The following FANCD2 variants were observed in gnomAD, a reference collection of about 807,000 sequenced individuals.
FANCD2 encodes Fanconi anemia group D2 protein.
A neutral mutation model predicts 192.3 loss-of-function variants in FANCD2; 131 were observed. That is an observed-to-expected ratio of 0.68 (90% confidence interval 0.59 to 0.79). The LOEUF is 0.79. FANCD2 is among the 30% of genes least tolerant of loss of function. The pLI, the probability that FANCD2 is intolerant of heterozygous loss-of-function variation, is 0.00. For synonymous variants in FANCD2, 524 were observed against 612.5 expected (o/e 0.86, Z 2.13); for missense variants, 1,508 against 1,701.6 (o/e 0.89, Z 2.00).
chr3:10,054,470 TA>T (rs1371277169), intron 18 of FANCD2, among the ~76,000 whole-genome samples: 1,058 of 28,830 alleles, frequency 0.037, 35 homozygotes, highest in East Asian at 0.12. Flanking sequence ...TATATATATA[TA>T]TATTTTTTTT....
intron 30 of FANCD2, among the ~76,000 whole-genome samples, chr3:10,079,941 A>G (rs1156678740): frequency 3.4e-5 from 5 of 146,150 alleles, no homozygotes; most frequent in African/African-American, 1.0e-4. Flanking sequence ...TTTGAGGCGG[A>G]GTCTTGCTTT....
intron 18 of FANCD2, among the ~76,000 whole-genome samples, chr3:10,054,038 C>A (rs1023858362): frequency 6.6e-6 from 1 of 151,834 alleles, no homozygotes; most frequent in African/African-American, 2.4e-5. Context: ...TGGTGAAACC[C>A]CATCTCTACA....
intron 18 of FANCD2, among the ~76,000 whole-genome samples, chr3:10,055,080 A>C (rs1018040750): frequency 1.3e-5 from 2 of 152,122 alleles, no homozygotes; most frequent in Non-Finnish European, 2.9e-5. Context: ...TAGCTTTTGC[A>C]TTTAGCAGTT....
chr3:10,030,296 C>T (rs1310242396), intron 2 of FANCD2, among the ~76,000 whole-genome samples: 3 of 151,094 alleles, frequency 2.0e-5, no homozygotes, highest in Admixed American at 2.0e-4. Flanking sequence ...GGGGTTTCAC[C>T]GTGTTAGTCA....
Position 10,074,589 on chromosome 3 carries a change from C to T in FANCD2, c.2775C>T (p.Phe925=), listed in dbSNP as rs781266359. The part of the protein sequence containing the change: ...SLLLHNSHAF[F]RELDIEVFSI... ...TACTACATAATTCCCATGCTTTTTT[C>T]CGAGAGCTGGACATTGAGGTCTTCT... Residue 925 remains phenylalanine (F), a synonymous_variant, in exon 29 of 44, where the codon TTC becomes TTT. Transcript: ENST00000675286. 1.9e-6 allele frequency: 3 copies of T among 1,613,700 alleles called. No homozygotes were observed. Among genetic ancestry groups the T allele is most frequent in the Non-Finnish European group, 2.5e-6 (3 of 1,179,802 alleles).
intron 18 of FANCD2, among the ~76,000 whole-genome samples, chr3:10,054,439 GTATATACA>G (rs2087331207): frequency 2.2e-4 from 9 of 40,282 alleles, no homozygotes; most frequent in African/African-American, 1.6e-3. Context: ...GTATATACAT[GTATATACA>G]TATATATATA....
chr3:10,061,583 T>C (rs1248640954), intron 19 of FANCD2, among the ~76,000 whole-genome samples: 6 of 152,168 alleles, frequency 3.9e-5, no homozygotes, highest in South Asian at 2.1e-4. Flanking sequence ...CATAGAGTCA[T>C]TGAGAACATT....
chr3:10,096,424 T>C lies in FANCD2; in HGVS notation c.4137T>C (p.Asn1379=), dbSNP rs752376206. 1.2e-6 allele frequency: 2 copies of C among 1,614,136 alleles called. No homozygotes were observed. Among genetic ancestry groups the C allele is most frequent in the East Asian group, 4.5e-5 (2 of 44,882 alleles). ...CRVKAMLTLN[N]CREAFWLGNL... ...TCAAAGCTATGCTCACTCTCAACAA[T>C]TGTAGAGAGGCTTTCTGGCTGGGCA... The change falls in exon 42 of 44, where the codon AAT becomes AAC. Residue 1379 remains asparagine (N), a synonymous_variant. Coordinates refer to ENST00000675286, the MANE Select transcript of FANCD2 (RefSeq NM_001018115.3).
chr3:10,078,702 G>A (rs561035044), intron 30 of FANCD2, among the ~76,000 whole-genome samples: 17 of 151,608 alleles, frequency 1.1e-4, no homozygotes, highest in African/African-American at 3.1e-4. Context: ...GGTGGCTCAC[G>A]CCTGTAATGC....
chr3:10,033,070 C>G lies in FANCD2; in HGVS notation c.205+98C>G, dbSNP rs1266432062. ...TAGAGAGGCAATGAAGATTAGAAAT[C>G]AGAGGGCCATCCATCTTGAGACAAA... is the stretch of plus-strand genomic sequence containing the variant. On this transcript the variant is annotated intron_variant, in intron 3 of 43. Transcript: ENST00000675286. 2.9e-6 allele frequency: 3 copies of G among 1,034,722 alleles called. No individual in the cohort carries two copies. In the African/African-American group the frequency reaches 4.8e-5, roughly 17 times the overall value. The allele number at this position is 1,034,722 out of a possible 1,614,324, so 64.1% of individuals were successfully genotyped here. A position where few individuals can be genotyped will look rare whatever the true frequency, so the allele number is the denominator to read the frequency against.
At chr3:10,045,159 G>GTTTTT (rs2086968912) in intron 14 of FANCD2, among the ~76,000 whole-genome samples, 1 of 119,334 alleles carries the variant, frequency 8.4e-6, no homozygotes, top group Non-Finnish European at 1.7e-5. Flanking sequence ...CTCTTTTTTT[G>GTTTTT]TTTTGTTTTG....
chr3:10,034,966 A>G (rs1416290223), intron 5 of FANCD2, among the ~76,000 whole-genome samples, 168 bp downstream of exon 5: 2 of 152,176 alleles, frequency 1.3e-5, no homozygotes, highest in African/African-American at 2.4e-5. Flanking sequence ...TTATGAGCCT[A>G]ACAATCAGTG....
rs770270765 is a variant in FANCD2 at position 10,063,780 on chromosome 3, T to G, written c.1828-12T>G. On this transcript the variant is annotated splice_polypyrimidine_tract_variant and intron_variant, in intron 20 of 43. Transcript: ENST00000675286. ...AGCCCAAGGTTTAAACCATTCTTCCTCTTTGCTCCAGGTGACCTCCTTGTT... is the reference window on the plus strand; with the variant it reads ...AGCCCAAGGTTTAAACCATTCTTCCGCTTTGCTCCAGGTGACCTCCTTGTT... The G allele has an allele frequency of 3.7e-6, 6 of 1,614,224 alleles. No homozygotes were observed. The South Asian group carries it at 6.6e-5, about 18-fold the overall frequency.
At chr3:10,035,843 CT>C (rs1441806881) in intron 6 of FANCD2, among the ~76,000 whole-genome samples, 2 of 152,054 alleles carry the variant, frequency 1.3e-5, no homozygotes, top group African/African-American at 4.8e-5. Context: ...ATTTGATAAT[CT>C]TTTAAAGTTT....
intron 26 of FANCD2, among the ~76,000 whole-genome samples, chr3:10,072,466 A>G (rs1237253945): frequency 6.6e-6 from 1 of 151,906 alleles, no homozygotes; most frequent in African/African-American, 2.4e-5. Flanking sequence ...TTTGGTAGAG[A>G]TAGGGTTTCA....
At chr3:10,067,430 C>G in intron 26 of FANCD2, 113 bp downstream of exon 26, 4 of 702,666 alleles carry the variant, frequency 5.7e-6, no homozygotes, top group Non-Finnish European at 1.0e-5. Context: ...AAAGAAATCT[C>G]AGGCCAATAT....
At chr3:10,088,131 A>G (rs1401773244) in intron 34 of FANCD2, among the ~76,000 whole-genome samples, 3 of 152,190 alleles carry the variant, frequency 2.0e-5, no homozygotes, top group Non-Finnish European at 2.9e-5. Flanking sequence ...CAGGAGGAAC[A>G]AGATTGGCCT....
intron 1 of FANCD2, 125 bp from the exon 2 acceptor site, chr3:10,028,500 G>A (rs1354719134): frequency 4.4e-6 from 3 of 687,136 alleles, no homozygotes; most frequent in African/African-American, 3.6e-5. Context: ...CTAGGTTTAG[G>A]TAGCATTAAT....
chr3:10,026,968 T>C (rs2086467766), intron 1 of FANCD2, among the ~76,000 whole-genome samples: 1 of 141,592 alleles, frequency 7.1e-6, no homozygotes, highest in Non-Finnish European at 1.5e-5. Context: ...GCGCAGGTGC[T>C]GAAGCCAGAC....
Sources: gnomAD v4.1 joint callset for allele counts (sites outside exome capture counted in the v4.1 genomes callset) on GRCh38, gnomAD v4.1.1 for gene constraint, MANE v1.5 for transcripts, NCBI Gene and HGNC (gene_info 2026-07-23, HGNC 2026-07-21) for gene names.